MIPOL1: variants seen among roughly 807,000 people sequenced by gnomAD.
MIPOL1 encodes mirror-image polydactyly gene 1 protein.
Under a neutral mutation model 60.9 loss-of-function variants are expected in MIPOL1, and 57 were observed. The observed-to-expected ratio is 0.94, with a 90% confidence interval of 0.76 to 1.17. The LOEUF (loss-of-function observed/expected upper bound fraction) is 1.17. Among genes scored for constraint, MIPOL1 ranks in the 50% most tolerant of loss-of-function variants. The probability of loss-of-function intolerance (pLI) is 0.00; values close to 1 mark genes in which losing one functional copy is unlikely to be tolerated. For missense variants in MIPOL1, 551 were observed against 511.6 expected (o/e 1.08, Z -0.74); for synonymous variants, 179 against 168.8 (o/e 1.06, Z -0.47).
At chr14:37,442,742 A>C (rs1052788284) in intron 11 of MIPOL1, among the ~76,000 whole-genome samples, 1 of 151,978 alleles carries the variant, frequency 6.6e-6, no homozygotes, top group Non-Finnish European at 1.5e-5. Context: ...AATAGCATCA[A>C]AAAGAATAAA....
intron 12 of MIPOL1, among the ~76,000 whole-genome samples, chr14:37,526,692 T>C (rs2095449793): frequency 6.6e-6 from 1 of 152,096 alleles, no homozygotes; most frequent in Non-Finnish European, 1.5e-5. Context: ...GGTTTAATTT[T>C]TAAAATCTGC....
intron 9 of MIPOL1, among the ~76,000 whole-genome samples, chr14:37,351,103 C>A (rs1313675356): frequency 7.1e-6 from 1 of 140,082 alleles, no homozygotes; most frequent in South Asian, 2.4e-4. Flanking sequence ...ATTCCCCTTT[C>A]TGTGTCCATG....
At chr14:37,356,069 G>A (rs1411128072) in intron 9 of MIPOL1, among the ~76,000 whole-genome samples, 1 of 147,874 alleles carries the variant, frequency 6.8e-6, no homozygotes, top group Non-Finnish European at 1.5e-5. Context: ...TGATGGTGAT[G>A]TACAGATGGG....
intron 11 of MIPOL1, among the ~76,000 whole-genome samples, chr14:37,434,744 C>T (rs1008291753): frequency 6.6e-6 from 1 of 151,318 alleles, no homozygotes; most frequent in Non-Finnish European, 1.5e-5. Flanking sequence ...AGAATTTCTT[C>T]TTCCTTAGGG....
intron 9 of MIPOL1, among the ~76,000 whole-genome samples, chr14:37,352,989 T>A (rs1280688830): frequency 7.2e-6 from 1 of 139,286 alleles, no homozygotes; most frequent in Non-Finnish European, 1.5e-5. Context: ...GTGCCAGTTT[T>A]CAAAGGGAAT....
chr14:37,232,855 A>G (rs1270651902), intron 1 of MIPOL1, among the ~76,000 whole-genome samples: 6 of 152,234 alleles, frequency 3.9e-5, no homozygotes, highest in Non-Finnish European at 8.8e-5. Context: ...TCCCATTGCT[A>G]TATCATGCTG....
At chr14:37,224,680 T>G (rs1969400699) in intron 1 of MIPOL1, among the ~76,000 whole-genome samples, 2 of 152,042 alleles carry the variant, frequency 1.3e-5, no homozygotes, top group Non-Finnish European at 2.9e-5. Context: ...GACATTTGGG[T>G]GGGGACACAT....
chr14:37,363,975 C>G (rs143207511), intron 9 of MIPOL1, among the ~76,000 whole-genome samples: 3,367 of 152,274 alleles, frequency 0.022, 123 homozygotes, highest in African/African-American at 0.076. Flanking sequence ...CTGCTGGTTG[C>G]TAAGACCATG....
intron 11 of MIPOL1, among the ~76,000 whole-genome samples, chr14:37,424,113 C>A (rs1228694131): frequency 6.6e-6 from 1 of 152,148 alleles, no homozygotes; most frequent in Admixed American, 6.6e-5. Context: ...TCTTTCCCAT[C>A]CCCAAGTTAA....
At chr14:37,378,805 A>G (rs546763133) in intron 10 of MIPOL1, among the ~76,000 whole-genome samples, 1 of 152,172 alleles carries the variant, frequency 6.6e-6, no homozygotes, top group Admixed American at 6.6e-5. Context: ...AGAAAAGTAG[A>G]CGGATGTATT....
intron 12 of MIPOL1, chr14:37,502,570 A>G (rs2095231096): frequency 6.6e-6 from 1 of 152,258 alleles, no homozygotes; most frequent in Non-Finnish European, 1.5e-5. Flanking sequence ...AAGGAATAGC[A>G]TCAACATCAG....
chr14:37,329,483 C>G (rs943943549), intron 9 of MIPOL1, among the ~76,000 whole-genome samples: 3 of 152,056 alleles, frequency 2.0e-5, no homozygotes, highest in African/African-American at 2.4e-5. Flanking sequence ...ATTTGTCATA[C>G]GAACTTTTAG....
chr14:37,340,879 C>T (rs1026850031), intron 9 of MIPOL1, among the ~76,000 whole-genome samples: 20 of 152,088 alleles, frequency 1.3e-4, no homozygotes, highest in African/African-American at 4.3e-4. Flanking sequence ...GCTATAAGCT[C>T]CATTCATGGT....
chr14:37,219,831 T>C (rs1968439950), intron 1 of MIPOL1: 1 of 150,404 alleles, frequency 6.6e-6, no homozygotes, highest in South Asian at 2.1e-4. Flanking sequence ...TTTGATGCTG[T>C]TTTGTTAAAT....
In MIPOL1 at chr14:37,268,765, T is replaced by G; in HGVS notation, c.359T>G (p.Leu120Trp). The stretch of plus-strand genomic sequence containing the variant: ...ACAATAGCATTTCTTCTAAAAGAAT[T>G]GGATATTCTCAGAACAAGCAATAAA... ...EKTIAFLLKE[L>W]DILRTSNKKL... is the part of the protein sequence containing the mutation. Residue 120 changes from leucine (L) to tryptophan (W), a missense_variant, in exon 5 of 13, where the codon TTG (leucine) becomes TGG (tryptophan). Leu to Trp is a moderately conservative substitution (Grantham distance 61). Transcript: ENST00000684589. The G allele has an allele frequency of 6.3e-7, 1 of 1,593,540 alleles. No homozygotes were observed. Among genetic ancestry groups the G allele is most frequent in the Non-Finnish European group, 8.6e-7 (1 of 1,167,098 alleles).
intron 9 of MIPOL1, among the ~76,000 whole-genome samples, chr14:37,329,344 A>G (rs143798205): frequency 6.6e-6 from 1 of 152,222 alleles, no homozygotes; most frequent in Admixed American, 6.5e-5. Flanking sequence ...TTGGTTAATC[A>G]GTACACAAAT....
chr14:37,465,751 A>C (rs964816203), intron 11 of MIPOL1, among the ~76,000 whole-genome samples: 3 of 152,132 alleles, frequency 2.0e-5, no homozygotes, highest in Non-Finnish European at 4.4e-5. Flanking sequence ...TAAGTGTCTT[A>C]AATTTTAGAT....
rs114173547 is a variant in MIPOL1 at position 37,248,030 on chromosome 14, A to G, written c.19+123A>G. 3.8e-4 allele frequency: 329 copies of G among 859,828 alleles called. 2 individuals carry two copies. The African/African-American group carries it at 5.0e-3, about 13-fold the overall frequency. 53.3% of individuals were successfully genotyped at this position (859,828 alleles called of 1,614,324 possible). A position where few individuals can be genotyped will look rare whatever the true frequency, so the allele number is the denominator to read the frequency against. On this transcript the variant is annotated intron_variant, in intron 3 of 12. Transcript: ENST00000684589. ...GGTAGACAAGTGCGCACACACACACACAAAACATGCACACAGAGACCCAGG... is the reference window on the plus strand; with the variant it reads ...GGTAGACAAGTGCGCACACACACACGCAAAACATGCACACAGAGACCCAGG...
At chr14:37,463,947 G>A (rs2094569402) in intron 11 of MIPOL1, among the ~76,000 whole-genome samples, 2 of 151,958 alleles carry the variant, frequency 1.3e-5, no homozygotes. Context: ...ATTGGGAAAA[G>A]GACATAAACA....
Sources: gnomAD v4.1 joint callset for allele counts (sites outside exome capture counted in the v4.1 genomes callset) on GRCh38, gnomAD v4.1.1 for gene constraint, MANE v1.5 for transcripts, NCBI Gene and HGNC (gene_info 2026-07-23, HGNC 2026-07-21) for gene names.